The following METTL23 variants were observed in gnomAD, a reference collection of about 807,000 sequenced individuals.
METTL23 encodes methyltransferase 23, arginine.
METTL23 carries 24 observed loss-of-function variants against 21.2 expected under a neutral mutation model. The ratio of observed to expected loss-of-function variants is 1.13; its 90% CI spans 0.82 to 1.59. The LOEUF (loss-of-function observed/expected upper bound fraction) is 1.59, where lower values mean the gene tolerates loss of function less well. Among genes scored for constraint, METTL23 ranks in the 40% most tolerant of loss-of-function variants. The probability of loss-of-function intolerance (pLI) is 0.00; values close to 1 mark genes in which losing one functional copy is unlikely to be tolerated. For synonymous variants in METTL23, 97 were observed against 75.2 expected (o/e 1.29, Z -1.50); for missense variants, 276 against 221.4 (o/e 1.25, Z -1.57).
At chr17:76,732,815 A>T (rs2077280320) in intron 2 of METTL23, 163 bp from the exon 3 acceptor site, 1 of 634,514 alleles carries the variant, frequency 1.6e-6, no homozygotes, top group South Asian at 2.0e-5. Context: ...TACTTTTGTC[A>T]TGTTTATAGT....
chr17:76,731,201 G>A (rs1256598244), intron 2 of METTL23, among the ~76,000 whole-genome samples: 1 of 152,190 alleles, frequency 6.6e-6, no homozygotes, highest in Admixed American at 6.5e-5. Context: ...CCTGAACCCA[G>A]GAGGTGGAGG....
Position 76,733,695 on chromosome 17 carries a change from T to A in METTL23, c.*9T>A. On this transcript the variant is annotated 3_prime_UTR_variant, in exon 5 of 5. Transcript: ENST00000341249. Reference sequence around the variant, plus strand: ...CAAAGGACAGTCTCTGAATTATACCTACAACCTGTTCTGGGACAGTATCAA... The same window carrying A: ...CAAAGGACAGTCTCTGAATTATACCAACAACCTGTTCTGGGACAGTATCAA... 1 of 1,609,910 alleles carries A rather than the reference T, an allele frequency of 6.2e-7. No homozygotes were observed. The highest frequency in any genetic ancestry group is 8.5e-7 in the Non-Finnish European group (1 of 1,177,920).
At position 76,733,556 on chromosome 17, in the gene METTL23, G is replaced by A. The variant is rs1447008718; in HGVS notation, c.443G>A (p.Trp148Ter). Residue 148 changes from tryptophan to a stop codon, truncating the protein, a stop_gained, in exon 5 of 5, where the codon TGG (tryptophan) becomes TAG (stop). Transcript: ENST00000341249. LOFTEE classifies it high-confidence loss of function. ...DWSLEALLYK[W>*]DMKCVHIPLE... ...TCACTTGAAGCTTTACTCTACAAAT[G>A]GGATATGAAATGTGTCCACATTCCT... 6.2e-7 allele frequency: 1 copy of A among 1,613,574 alleles called. No homozygotes were observed. Among genetic ancestry groups the A allele is most frequent in the Non-Finnish European group, 8.5e-7 (1 of 1,179,784 alleles).
chr17:76,733,374 G>C lies in METTL23; in HGVS notation c.404G>C (p.Arg135Thr). The part of the protein sequence containing the change: ...KVQLWSTYQV[R>T]SADWSLEALL... ...CAATTGTGGTCTACTTATCAAGTTA[G>C]GAGGCAAGTATGGATGACCCTTACT... Residue 135 changes from arginine to threonine, a missense_variant, in exon 4 of 5, where the codon AGG becomes ACG. Coordinates refer to ENST00000341249, the MANE Select transcript of METTL23 (RefSeq NM_001080510.5). 6.2e-7 allele frequency: 1 copy of C among 1,613,782 alleles called. No individual in the cohort carries two copies. The highest frequency in any genetic ancestry group is 1.1e-5 in the South Asian group (1 of 91,048).
At chr17:76,730,960 C>A (rs564177842) in intron 2 of METTL23, among the ~76,000 whole-genome samples, 4 of 152,196 alleles carry the variant, frequency 2.6e-5, no homozygotes, top group Non-Finnish European at 5.9e-5. Context: ...AAAAAATTAG[C>A]CGGGCCTGGT....
At chr17:76,728,429 T>TTTTTTTTTTG (rs2077054288) in intron 1 of METTL23, among the ~76,000 whole-genome samples, 1 of 92,552 alleles carries the variant, frequency 1.1e-5, no homozygotes, top group African/African-American at 5.3e-5. Flanking sequence ...TTTTTTTTTT[T>TTTTTTTTTTG]GGAGATGGAG....
Position 76,733,667 on chromosome 17 carries a change from T to C in METTL23, c.554T>C (p.Phe185Ser). The change falls in exon 5 of 5, where the codon TTT becomes TCT. Residue 185 changes from phenylalanine to serine, a missense_variant. Phe to Ser is a radical substitution (Grantham distance 155, BLOSUM62 -2). Transcript: ENST00000341249. ...ACAGTTGAAATGCTGGTCATTTCCT[T>C]TGCAAAGGACAGTCTCTGAATTATA... ...RHTVEMLVIS[F>S]AKDSL 6.2e-7 allele frequency: 1 copy of C among 1,613,512 alleles called. No individual in the cohort carries two copies. The highest frequency in any genetic ancestry group is 8.5e-7 in the Non-Finnish European group (1 of 1,179,724).
upstream of METTL23, chr17:76,726,418 G>A: frequency 6.2e-7 from 1 of 1,604,688 alleles, no homozygotes; most frequent in Non-Finnish European, 8.5e-7. Context: ...GAGTCCTTGA[G>A]CTCCGGCCGC....
chr17:76,727,218 G>A (rs1234886815), intron 1 of METTL23, 40 bp downstream of exon 1: 4 of 365,654 alleles, frequency 1.1e-5, no homozygotes, highest in South Asian at 1.9e-5. Context: ...CCTGAGGTCA[G>A]GAGCGGATGT....
upstream of METTL23, chr17:76,726,498 C>T: frequency 5.1e-6 from 8 of 1,580,320 alleles, no homozygotes; most frequent in Non-Finnish European, 6.0e-6. Context: ...CCAGCTGGTT[C>T]CGCTACGACC....
In METTL23 at chr17:76,733,756, G is replaced by C; in HGVS notation, c.*70G>C. 1 of 1,388,764 alleles carries C rather than the reference G, an allele frequency of 7.2e-7. No individual in the cohort carries two copies. The highest frequency in any genetic ancestry group is 9.8e-7 in the Non-Finnish European group (1 of 1,023,242). The allele number at this position is 1,388,764 out of a possible 1,614,324, so 86.0% of individuals were successfully genotyped here. A position where few individuals can be genotyped will look rare whatever the true frequency, so the allele number is the denominator to read the frequency against. ...CAACCTGGCACACAAACTATGAGCA[G>C]ACCACTTCAGCTTGAGAATGCAGTG... is the stretch of plus-strand genomic sequence containing the variant. On this transcript the variant is annotated 3_prime_UTR_variant, in exon 5 of 5. Coordinates refer to ENST00000341249, the MANE Select transcript of METTL23 (RefSeq NM_001080510.5).
At chr17:76,732,721 C>T in intron 2 of METTL23, 1 of 522,680 alleles carries the variant, frequency 1.9e-6, no homozygotes, top group Non-Finnish European at 3.4e-6. Flanking sequence ...TAGCAATTAA[C>T]TGCCAGTTAC....
At chr17:76,730,780 C>G (rs1261674553) in intron 2 of METTL23, among the ~76,000 whole-genome samples, 1 of 151,602 alleles carries the variant, frequency 6.6e-6, no homozygotes, top group Non-Finnish European at 1.5e-5. Context: ...CCAGCCTGGC[C>G]AACATGGTGA....
At position 76,730,920 on chromosome 17, in the gene METTL23, G is replaced by C. The variant is rs1007691537; in HGVS notation, c.84+1126G>C. ...AGATCGAGACCATCCTGGCTAACAC[G>C]GTGAAACCCCGTCTCTACTAAAAAT... On this transcript the variant is annotated intron_variant, in intron 2 of 4. Coordinates refer to ENST00000341249, the MANE Select transcript of METTL23 (RefSeq NM_001080510.5). Among the ~76,000 whole-genome samples the C allele has an allele frequency of 1.1e-3, 170 of 152,266 alleles. 3 individuals are homozygous for C. Among genetic ancestry groups the C allele is most frequent in the Non-Finnish European group, 5.4e-4 (37 of 68,018 alleles).
In METTL23 at chr17:76,733,821, T is replaced by C. The variant is rs1331683168; in HGVS notation, c.*135T>C. On this transcript the variant is annotated 3_prime_UTR_variant, in exon 5 of 5. Transcript: ENST00000341249. ...CAAGTCTGTTTGCCTTAGATTTTGA[T>C]GTCACCTAGACAACACTTAAACTCA... 2 of 691,950 alleles carry C rather than the reference T, an allele frequency of 2.9e-6. No homozygotes were observed. The allele number at this position is 691,950 out of a possible 1,614,324, so 42.9% of individuals were successfully genotyped here.
chr17:76,727,729 C>G (rs892424374), intron 1 of METTL23, among the ~76,000 whole-genome samples: 2 of 152,226 alleles, frequency 1.3e-5, no homozygotes, highest in African/African-American at 4.8e-5. Flanking sequence ...AATAATAATT[C>G]TTTTTCTTTT....
chr17:76,733,556 G>C lies in METTL23; in HGVS notation c.443G>C (p.Trp148Ser). ...DWSLEALLYK[W>S]DMKCVHIPLE... is the part of the protein sequence containing the mutation. ...TCACTTGAAGCTTTACTCTACAAAT[G>C]GGATATGAAATGTGTCCACATTCCT... The change falls in exon 5 of 5, where the codon TGG becomes TCG. Residue 148 changes from tryptophan (W) to serine (S), a missense_variant. Physicochemically the swap from Trp to Ser is radical, Grantham distance 177. Coordinates refer to ENST00000341249, the MANE Select transcript of METTL23 (RefSeq NM_001080510.5). The C allele has an allele frequency of 6.2e-7, 1 of 1,613,574 alleles. No homozygotes were observed. Among genetic ancestry groups the C allele is most frequent in the Non-Finnish European group, 8.5e-7 (1 of 1,179,784 alleles).
At position 76,729,663 on chromosome 17, in the gene METTL23, T is replaced by C. The variant is rs775964216; in HGVS notation, c.-21-27T>C. 5.5e-6 allele frequency: 8 copies of C among 1,444,404 alleles called. No homozygotes were observed. The East Asian group carries it at 2.0e-4, about 35-fold the overall frequency. The allele number at this position is 1,444,404 out of a possible 1,614,324, so 89.5% of individuals were successfully genotyped here. On this transcript the variant is annotated intron_variant, in intron 1 of 4. Transcript: ENST00000341249. ...TCCAACTTCCAGCAGCTAAATTATT[T>C]ATGGCACACAAAAACATTCTTTTCA...
At chr17:76,730,939 TA>T (rs1230711517) in intron 2 of METTL23, among the ~76,000 whole-genome samples, 1 of 152,066 alleles carries the variant, frequency 6.6e-6, no homozygotes, top group African/African-American at 2.4e-5. Context: ...CCGTCTCTAC[TA>T]AAAATACAAA....
Sources: allele counts gnomAD v4.1 joint callset (sites outside exome capture counted in the v4.1 genomes callset), GRCh38; gene constraint gnomAD v4.1.1; transcripts MANE v1.5; gene names NCBI Gene and HGNC (gene_info 2026-07-23, HGNC 2026-07-21).